IQCH: variants seen among roughly 807,000 people sequenced by gnomAD.
The protein encoded by IQCH is IQ domain-containing protein H.
IQCH carries 98 observed loss-of-function variants against 117.0 expected under a neutral mutation model. That is an observed-to-expected ratio of 0.84 (90% CI 0.71 to 0.99). The LOEUF is 0.99. IQCH is among the 50% of genes least tolerant of loss of function. The pLI, the probability that IQCH is intolerant of heterozygous loss-of-function variation, is 0.00. For missense variants in IQCH, 1,102 were observed against 1,243.8 expected, an observed-to-expected ratio of 0.89 and a Z score of 1.72; for synonymous variants, 412 against 448.2, an observed-to-expected ratio of 0.92 and a Z score of 1.02.
intron 4 of IQCH, chr15:67,306,976 G>A: frequency 1.4e-6 from 2 of 1,380,366 alleles, no homozygotes; most frequent in Non-Finnish European, 9.4e-7. Context: ...TAAATAAAAA[G>A]TGTTTCTTAA....
At chr15:67,360,802 G>A (rs1260768029) in intron 8 of IQCH, among the ~76,000 whole-genome samples, 3 of 152,192 alleles carry the variant, frequency 2.0e-5, no homozygotes, top group African/African-American at 7.2e-5. Context: ...AGATAGAGCT[G>A]TATTTACATC....
chr15:67,362,276 T>C (rs1006879120), intron 8 of IQCH, among the ~76,000 whole-genome samples: 2 of 152,054 alleles, frequency 1.3e-5, no homozygotes, highest in South Asian at 2.1e-4. Flanking sequence ...TTAAAACTTT[T>C]CCAAAACATC....
At chr15:67,396,817 A>G (rs901744093) in intron 13 of IQCH, among the ~76,000 whole-genome samples, 10 of 152,194 alleles carry the variant, frequency 6.6e-5, no homozygotes, top group Middle Eastern at 3.2e-3. Flanking sequence ...CTTTCAACAA[A>G]TCATACTTTG....
At position 67,421,546 on chromosome 15, in the gene IQCH, C is replaced by T; in HGVS notation, c.2474C>T (p.Thr825Ile). The T allele has an allele frequency of 6.2e-7, 1 of 1,614,188 alleles. No homozygotes were observed. The highest frequency in any genetic ancestry group is 8.5e-7 in the Non-Finnish European group (1 of 1,180,020). The change falls in exon 16 of 21, where the codon ACT (threonine) becomes ATT (isoleucine). Residue 825 changes from threonine to isoleucine, a missense_variant. Thr to Ile is a moderately conservative substitution (Grantham distance 89). This residue lies in a region of IQCH where 650 missense variants were observed against 794.3 expected (regional missense o/e 0.82). Transcript: ENST00000335894. ...GGTTACTTTTCGATAGATCTGGTGACTTTTATAGATCCAAGCACCTTGGAA... is the reference window on the plus strand; with the variant it reads ...GGTTACTTTTCGATAGATCTGGTGATTTTTATAGATCCAAGCACCTTGGAA... ...VVGYFSIDLV[T>I]FIDPSTLEQQ... is the part of the protein sequence containing the mutation.
chr15:67,489,975 T>A, intron 18 of IQCH, 28 bp from the exon 19 acceptor site: 3 of 1,482,140 alleles, frequency 2.0e-6, no homozygotes, highest in Non-Finnish European at 2.8e-6. Context: ...AATATACTAT[T>A]TCTTTTCTCC....
intron 4 of IQCH, among the ~76,000 whole-genome samples, chr15:67,316,540 T>G (rs73489130): frequency 0.013 from 1,990 of 152,292 alleles, 42 homozygotes; most frequent in African/African-American, 0.04. Flanking sequence ...ATACTGGACT[T>G]TAATAGAAGG....
At chr15:67,273,294 TCCTGACCTCAAGTGATTTG>T (rs1027797108) in intron 3 of IQCH, among the ~76,000 whole-genome samples, 30 of 152,164 alleles carry the variant, frequency 2.0e-4, no homozygotes, top group African/African-American at 7.0e-4. Context: ...GGTCTCAAAC[TCCTGACCTCAAGTGATTTG>T]CCTGCCTCAG....
chr15:67,358,579 A>G (rs949830027), intron 7 of IQCH, among the ~76,000 whole-genome samples: 1 of 152,100 alleles, frequency 6.6e-6, no homozygotes, highest in Non-Finnish European at 1.5e-5. Context: ...AATGTGCTGG[A>G]CTTTTGTACC....
At chr15:67,477,441 C>T (rs1040739226) in intron 18 of IQCH, among the ~76,000 whole-genome samples, 1 of 152,184 alleles carries the variant, frequency 6.6e-6, no homozygotes, top group Non-Finnish European at 1.5e-5. Context: ...CCCCAGCAGG[C>T]TGCCAGGCAC....
At position 67,489,329 on chromosome 15, in the gene IQCH, G is replaced by A. The variant is rs201742142; in HGVS notation, c.2800-674G>A. On this transcript the variant is annotated intron_variant, in intron 18 of 20. Coordinates refer to ENST00000335894, the MANE Select transcript of IQCH (RefSeq NM_001031715.3). ...ATTACAGGTGTGAGCCACCGCGCCC[G>A]GCCAATTTTTTTTGAGATGGAATTT... Among the ~76,000 whole-genome samples, 18 of 148,634 alleles carry A rather than the reference G, an allele frequency of 1.2e-4. No homozygotes were observed. In the East Asian group the frequency reaches 2.0e-3, roughly 17 times the overall value.
intron 4 of IQCH, chr15:67,304,529 T>C: frequency 1.4e-6 from 1 of 695,478 alleles, no homozygotes; most frequent in Non-Finnish European, 2.3e-6. Flanking sequence ...GTGTAAGATG[T>C]AATGTAGATG....
chr15:67,491,737 T>C lies in IQCH; in HGVS notation c.2861+1673T>C, dbSNP rs917036256. On this transcript the variant is annotated intron_variant, in intron 19 of 20. Transcript: ENST00000335894. The surrounding 1 kb of genome is among the most constrained non-coding windows in gnomAD (Gnocchi z 4.9). Reference sequence around the variant, plus strand: ...ACAGAGCCAGGGACACCTCTGGGCATGTGCAGGGAAGGATCAGCCCCTTGC... The same window carrying C: ...ACAGAGCCAGGGACACCTCTGGGCACGTGCAGGGAAGGATCAGCCCCTTGC... 7.2e-5 allele frequency among the ~76,000 whole-genome samples: 11 copies of C among 152,156 alleles called. No individual in the cohort carries two copies. The highest frequency in any genetic ancestry group is 2.1e-4 in the South Asian group (1 of 4,816).
intron 4 of IQCH, among the ~76,000 whole-genome samples, chr15:67,309,923 G>A (rs932762103): frequency 2.0e-5 from 3 of 149,790 alleles, no homozygotes; most frequent in African/African-American, 7.4e-5. Flanking sequence ...AGATAAGGGT[G>A]CTATGGAGAA....
At chr15:67,418,513 CCACACACACACACACACACACA>C (rs368875296) in intron 15 of IQCH, among the ~76,000 whole-genome samples, 8 of 114,108 alleles carry the variant, frequency 7.0e-5, no homozygotes, top group African/African-American at 2.7e-4. Flanking sequence ...CAAGTGGCTA[CCACACACACACACACACACACA>C]CACACACACA....
At chr15:67,440,052 G>T (rs568814501) in intron 16 of IQCH, among the ~76,000 whole-genome samples, 1 of 151,784 alleles carries the variant, frequency 6.6e-6, no homozygotes, top group African/African-American at 2.4e-5. Context: ...AACTGACACC[G>T]CAGAAAGACA....
At chr15:67,400,331 C>T (rs1483614713) in intron 14 of IQCH, 26 bp downstream of exon 14, 4 of 1,570,152 alleles carry the variant, frequency 2.5e-6, no homozygotes, top group Non-Finnish European at 3.5e-6. Flanking sequence ...TGACTTAAAC[C>T]CGCAGGGTCT....
chr15:67,412,236 T>C (rs1435192677), intron 14 of IQCH, among the ~76,000 whole-genome samples: 1 of 152,238 alleles, frequency 6.6e-6, no homozygotes, highest in Non-Finnish European at 1.5e-5. Flanking sequence ...ACAAGGTATA[T>C]ATTTTTATTT....
chr15:67,296,207 G>A (rs924661738), intron 4 of IQCH, among the ~76,000 whole-genome samples: 2 of 152,192 alleles, frequency 1.3e-5, no homozygotes, highest in African/African-American at 4.8e-5. Context: ...TAAAGAAAGA[G>A]AGATAGAGGT....
rs146549777 is a variant in IQCH at position 67,365,635 on chromosome 15, A to G, written c.753+5750A>G. ...TGAAGAAAAATAAACCAGAATACAT[A>G]TGTAGGTATAGAAGCCACGCACGGT... On this transcript the variant is annotated intron_variant, in intron 8 of 20. Coordinates refer to ENST00000335894, the MANE Select transcript of IQCH (RefSeq NM_001031715.3). The surrounding 1 kb of genome is among the most constrained non-coding windows in gnomAD (Gnocchi z 4.4). 1.9e-3 allele frequency among the ~76,000 whole-genome samples: 296 copies of G among 152,326 alleles called. No individual in the cohort carries two copies. The highest frequency in any genetic ancestry group is 6.8e-3 in the African/African-American group (284 of 41,582).
Sources: gnomAD v4.1 joint callset for allele counts (sites outside exome capture counted in the v4.1 genomes callset) on GRCh38, gnomAD v4.1.1 for gene constraint, gnomAD v4.1.1 regional missense constraint, Gnocchi (gnomAD v3.1) non-coding constraint, MANE v1.5 for transcripts, NCBI Gene and HGNC (gene_info 2026-07-23, HGNC 2026-07-21) for gene names.